Variants in PARD3B observed in about 807,000 individuals in gnomAD.
PARD3B encodes the protein partitioning defective 3 homolog B.
PARD3B carries 103 observed loss-of-function variants against 130.2 expected under a neutral mutation model. The observed-to-expected ratio is 0.79, with a 90% confidence interval of 0.67 to 0.93. The LOEUF (loss-of-function observed/expected upper bound fraction) is 0.93. Ranked by LOEUF, PARD3B falls within the 40% of genes least tolerant of loss-of-function variation. The pLI is 0.00. For synonymous variants in PARD3B, 583 were observed against 553.2 expected (o/e 1.05, Z -0.76); for missense variants, 1,609 against 1,499.2 (o/e 1.07, Z -1.21).
At chr2:204,667,740 T>C (rs2036091329) in intron 1 of PARD3B, among the ~76,000 whole-genome samples, 1 of 152,140 alleles carries the variant, frequency 6.6e-6, no homozygotes, top group South Asian at 2.1e-4. Flanking sequence ...TCACACATAG[T>C]GAGAAAAGGC....
intron 2 of PARD3B, among the ~76,000 whole-genome samples, chr2:204,830,830 C>T (rs933383979): frequency 2.4e-4 from 37 of 152,056 alleles, no homozygotes; most frequent in African/African-American, 8.7e-4. Flanking sequence ...GAATTTAGCC[C>T]AAGGGAGGAG....
chr2:204,676,643 A>ACATCC (rs1391104802), intron 1 of PARD3B, among the ~76,000 whole-genome samples: 1 of 150,332 alleles, frequency 6.7e-6, no homozygotes, highest in Non-Finnish European at 1.5e-5. Context: ...TTTTTACCAT[A>ACATCC]CATCCCATTC....
At chr2:205,145,322 C>T (rs1317239699) in intron 10 of PARD3B, among the ~76,000 whole-genome samples, 2 of 132,518 alleles carry the variant, frequency 1.5e-5, no homozygotes, top group East Asian at 4.7e-4. Flanking sequence ...CCCTCCGCCG[C>T]CCCCGCAAAA....
At chr2:205,087,779 A>G (rs146200333) in intron 4 of PARD3B, among the ~76,000 whole-genome samples, 152 of 152,254 alleles carry the variant, frequency 1.0e-3, no homozygotes, top group African/African-American at 3.5e-3. Context: ...TGGCAAAATT[A>G]TATCACCAAT....
chr2:204,648,046 T>A (rs1574614160), intron 1 of PARD3B, among the ~76,000 whole-genome samples: 1 of 151,846 alleles, frequency 6.6e-6, no homozygotes, highest in East Asian at 1.9e-4. Flanking sequence ...GTAAGACTGA[T>A]CTTATTAAAT....
intron 2 of PARD3B, among the ~76,000 whole-genome samples, chr2:204,815,727 C>T (rs1361082061): frequency 3.3e-5 from 5 of 151,988 alleles, no homozygotes; most frequent in Admixed American, 6.6e-5. Context: ...TTAATTTTCA[C>T]TCTGTACAAA....
At chr2:205,430,898 T>C (rs1193075524) in intron 19 of PARD3B, among the ~76,000 whole-genome samples, 1 of 152,190 alleles carries the variant, frequency 6.6e-6, no homozygotes, top group African/African-American at 2.4e-5. Flanking sequence ...GGAAAATTTG[T>C]TTATGGAGTA....
At chr2:204,645,503 A>C (rs573673996) in intron 1 of PARD3B, among the ~76,000 whole-genome samples, 2 of 152,266 alleles carry the variant, frequency 1.3e-5, no homozygotes, top group African/African-American at 4.8e-5. Flanking sequence ...ACTTTGGCTT[A>C]ATGTGACATA....
chr2:204,947,267 A>G (rs528964129), intron 2 of PARD3B, among the ~76,000 whole-genome samples: 10 of 152,020 alleles, frequency 6.6e-5, no homozygotes, highest in Non-Finnish European at 1.2e-4. Flanking sequence ...TTATTTTACA[A>G]ATGATAATGA....
chr2:205,594,406 G>C (rs1468065037), intron 22 of PARD3B, among the ~76,000 whole-genome samples: 1 of 152,134 alleles, frequency 6.6e-6, no homozygotes, highest in Non-Finnish European at 1.5e-5. Context: ...GGGGAATTGG[G>C]ATGGCACACA....
Position 205,615,574 on chromosome 2 carries a change from C to A in PARD3B, c.3379C>A (p.Pro1127Thr), listed in dbSNP as rs556201916. The A allele has an allele frequency of 6.8e-6, 11 of 1,614,118 alleles. No individual in the cohort carries two copies. The East Asian group carries it at 2.2e-4, about 33-fold the overall frequency. The change falls in exon 23 of 23, where the codon CCC becomes ACC. Residue 1127 changes from proline to threonine, a missense_variant. Pro to Thr is a conservative substitution (Grantham distance 38). Transcript: ENST00000406610. Reference sequence around the variant, plus strand: ...TATGCACCCTCCCAAAGGGAGCTATCCCCGCCCCACAGAGCTCAGGGTGGC... The same window carrying A: ...TATGCACCCTCCCAAAGGGAGCTATACCCGCCCCACAGAGCTCAGGGTGGC... ...HPMHPPKGSY[P>T]RPTELRVADL...
At chr2:204,979,809 A>G (rs180688635) in intron 3 of PARD3B, among the ~76,000 whole-genome samples, 6 of 152,300 alleles carry the variant, frequency 3.9e-5, no homozygotes, top group South Asian at 2.1e-4. Context: ...TAATATCCCT[A>G]CCTCACACTA....
At chr2:205,037,517 T>C (rs1351086941) in intron 3 of PARD3B, among the ~76,000 whole-genome samples, 1 of 147,956 alleles carries the variant, frequency 6.8e-6, no homozygotes, top group Non-Finnish European at 1.5e-5. Flanking sequence ...ACTATATATA[T>C]AAAATATGTA....
intron 22 of PARD3B, among the ~76,000 whole-genome samples, chr2:205,593,289 T>C (rs1021737430): frequency 2.6e-5 from 4 of 152,230 alleles, no homozygotes; most frequent in Non-Finnish European, 5.9e-5. Flanking sequence ...CCCACCTTGA[T>C]TGTCCATGTT....
chr2:204,969,197 C>A lies in PARD3B; in HGVS notation c.394+3874C>A, dbSNP rs967820770. 7.2e-5 allele frequency among the ~76,000 whole-genome samples: 11 copies of A among 152,124 alleles called. 1 individual carries two copies. The highest frequency in any genetic ancestry group is 2.4e-4 in the African/African-American group (10 of 41,434). On this transcript the variant is annotated intron_variant, in intron 3 of 22. Coordinates refer to ENST00000406610, the MANE Select transcript of PARD3B (RefSeq NM_001302769.2). ...TATTTGGACTTAAAAATTTATAGTTCGAGAATTTTCCAAGTCTTCTCTGTG... is the reference window on the plus strand; with the variant it reads ...TATTTGGACTTAAAAATTTATAGTTAGAGAATTTTCCAAGTCTTCTCTGTG...
At chr2:205,210,127 A>G (rs1013876745) in intron 15 of PARD3B, among the ~76,000 whole-genome samples, 23 of 152,080 alleles carry the variant, frequency 1.5e-4, no homozygotes, top group Non-Finnish European at 2.9e-5. Flanking sequence ...GCACTTTGAG[A>G]GGCTGCGTTG....
chr2:205,531,093 T>C (rs2051569448), intron 21 of PARD3B, among the ~76,000 whole-genome samples: 1 of 152,206 alleles, frequency 6.6e-6, no homozygotes, highest in African/African-American at 2.4e-5. Flanking sequence ...GAAGATATAA[T>C]ATTGTAAATT....
intron 1 of PARD3B, among the ~76,000 whole-genome samples, chr2:204,608,869 T>A (rs2193450): frequency 6.6e-6 from 1 of 152,010 alleles, no homozygotes; most frequent in Non-Finnish European, 1.5e-5. Flanking sequence ...GTGTTGTGGG[T>A]GAGAGAGAAC....
intron 11 of PARD3B, among the ~76,000 whole-genome samples, chr2:205,161,812 C>A (rs1298153849): frequency 6.6e-6 from 1 of 152,180 alleles, no homozygotes; most frequent in African/African-American, 2.4e-5. Flanking sequence ...GCCCTTCATA[C>A]CACTAATTAG....
Sources: gnomAD v4.1 joint callset for allele counts (sites outside exome capture counted in the v4.1 genomes callset) on GRCh38, gnomAD v4.1.1 for gene constraint, MANE v1.5 for transcripts, NCBI Gene and HGNC (gene_info 2026-07-23, HGNC 2026-07-21) for gene names.